Variants in ZFAT observed in about 807,000 individuals in gnomAD.
The protein encoded by ZFAT is zinc finger protein ZFAT.
A neutral mutation model predicts 117.7 loss-of-function variants in ZFAT; 64 were observed. That is an observed-to-expected ratio of 0.54 (90% CI 0.44 to 0.67). The LOEUF (loss-of-function observed/expected upper bound fraction) is 0.67. Among genes scored for constraint, ZFAT ranks in the 30% least tolerant of loss-of-function variants. The probability of loss-of-function intolerance (pLI) is 0.00; values close to 1 mark genes in which losing one functional copy is unlikely to be tolerated. For missense variants in ZFAT, 1,433 were observed against 1,584.5 expected (o/e 0.90, Z 1.62); for synonymous variants, 679 against 615.0 (o/e 1.10, Z -1.54).
chr8:134,747,016 A>C, the ZFAT span, among the ~76,000 whole-genome samples: 1 of 152,212 alleles, frequency 6.6e-6, no homozygotes, highest in Non-Finnish European at 1.5e-5. Context: ...ACCTGTTAAA[A>C]ATCAGAGCCT....
intron 1 of ZFAT, among the ~76,000 whole-genome samples, chr8:134,678,583 C>T (rs1217358532): frequency 1.3e-5 from 2 of 152,172 alleles, no homozygotes; most frequent in African/African-American, 4.8e-5. Context: ...TAAAAAACTA[C>T]TTTAAATTTC....
intron 15 of ZFAT, among the ~76,000 whole-genome samples, chr8:134,507,734 G>A (rs1271863155): frequency 2.6e-5 from 4 of 152,140 alleles, no homozygotes; most frequent in African/African-American, 9.7e-5. Flanking sequence ...AATAAATCAT[G>A]TCTCCCAGCA....
chr8:134,657,569 G>A lies in ZFAT; in HGVS notation c.188C>T (p.Thr63Ile), dbSNP rs754004750. The change falls in exon 2 of 16, where the codon ACC becomes ATC. Residue 63 changes from threonine (T) to isoleucine (I), a missense_variant. By Grantham distance (89) the Thr-to-Ile change is moderately conservative. Around this residue, in one of 5 missense-constraint regions of ZFAT, gnomAD observed 436 missense variants for 482.0 expected, o/e 0.90. Transcript: ENST00000377838. ...CCCCCCAGCCCCCTTACCATCTCCG[G>A]TTTTGCTTGAGTTGGGGGGTTCAGG... ...STPEPPNSSK[T>I]GDEFLVMKRK... 1 of 1,610,182 alleles carries A rather than the reference G, an allele frequency of 6.2e-7. No homozygotes were observed. The highest frequency in any genetic ancestry group is 1.3e-5 in the African/African-American group (1 of 74,780).
At chr8:134,732,228 G>A in the ZFAT span, among the ~76,000 whole-genome samples, 7 of 152,358 alleles carry the variant, frequency 4.6e-5, no homozygotes, top group South Asian at 2.1e-4. Context: ...CTGCTTCTGG[G>A]TAAGCCCTGA....
intron 15 of ZFAT, among the ~76,000 whole-genome samples, chr8:134,496,498 T>C (rs1818446355): frequency 6.6e-6 from 1 of 152,230 alleles, no homozygotes; most frequent in African/African-American, 2.4e-5. Flanking sequence ...GGGTATGCAC[T>C]GCCAGCCTGG....
intron 11 of ZFAT, among the ~76,000 whole-genome samples, chr8:134,548,435 G>A (rs79250284): frequency 1.2e-4 from 18 of 152,278 alleles, no homozygotes; most frequent in Non-Finnish European, 1.9e-4. Context: ...TGCAATGGAG[G>A]GTGGAGGGTG....
the ZFAT span, among the ~76,000 whole-genome samples, chr8:134,824,579 T>C: frequency 6.6e-6 from 1 of 152,226 alleles, no homozygotes; most frequent in East Asian, 1.9e-4. Flanking sequence ...ATCACTGCTT[T>C]AGAAAGTAAA....
chr8:134,535,391 T>C (rs1821753863), intron 11 of ZFAT, among the ~76,000 whole-genome samples: 1 of 151,686 alleles, frequency 6.6e-6, no homozygotes, highest in Non-Finnish European at 1.5e-5. Context: ...CCCACAGCCA[T>C]CTTTCATTTT....
At chr8:134,687,453 T>G (rs1388302526) in intron 1 of ZFAT, among the ~76,000 whole-genome samples, 1 of 152,208 alleles carries the variant, frequency 6.6e-6, no homozygotes, top group Admixed American at 6.5e-5. Context: ...TTTTAAGCAC[T>G]CTCAAAATGA....
chr8:134,638,869 C>A (rs1033486734), intron 2 of ZFAT, among the ~76,000 whole-genome samples: 4 of 152,136 alleles, frequency 2.6e-5, no homozygotes, highest in Non-Finnish European at 5.9e-5. Flanking sequence ...CCGCCAGCAG[C>A]CTGGCTGACA....
chr8:134,682,671 T>A (rs4615527), intron 1 of ZFAT, among the ~76,000 whole-genome samples: 118,613 of 150,232 alleles, frequency 0.79, 47,841 homozygotes, highest in Non-Finnish European at 0.87. Context: ...AAAATAAAAT[T>A]AAATTAAATT....
the ZFAT span, among the ~76,000 whole-genome samples, chr8:134,821,688 A>G: frequency 3.9e-5 from 6 of 152,308 alleles, no homozygotes; most frequent in South Asian, 6.2e-4. Context: ...TCCAAGAACG[A>G]GTAAGAGAGG....
At chr8:134,604,443 T>C (rs1206345799) in intron 5 of ZFAT, among the ~76,000 whole-genome samples, 3 of 152,230 alleles carry the variant, frequency 2.0e-5, no homozygotes, top group Admixed American at 2.0e-4. Flanking sequence ...TGGCCAAGCC[T>C]TGTTTCTGAA....
chr8:134,603,783 G>A (rs890924501), intron 5 of ZFAT, among the ~76,000 whole-genome samples: 8 of 152,132 alleles, frequency 5.3e-5, no homozygotes, highest in South Asian at 2.1e-4. Context: ...CCAGGACTGC[G>A]GGTGGGAGAG....
chr8:134,582,867 A>T (rs936959020), intron 10 of ZFAT, among the ~76,000 whole-genome samples: 4 of 152,222 alleles, frequency 2.6e-5, no homozygotes, highest in Admixed American at 2.6e-4. Context: ...TCACTGTTGA[A>T]ATAATTTTGA....
At chr8:134,739,233 G>A in the ZFAT span, among the ~76,000 whole-genome samples, 1 of 152,170 alleles carries the variant, frequency 6.6e-6, no homozygotes, top group Admixed American at 6.5e-5. Context: ...CAGCCCAAAA[G>A]AAAAAACAAA....
At chr8:134,744,551 C>CT in the ZFAT span, among the ~76,000 whole-genome samples, 3 of 151,896 alleles carry the variant, frequency 2.0e-5, no homozygotes, top group African/African-American at 7.3e-5. Context: ...CTGCCCCAGC[C>CT]TCCCAAAGTG....
intron 9 of ZFAT, among the ~76,000 whole-genome samples, chr8:134,586,067 G>C (rs982586088): frequency 2.0e-5 from 3 of 152,046 alleles, no homozygotes; most frequent in Non-Finnish European, 4.4e-5. Context: ...TATGGTACAG[G>C]GGATCAATTC....
intron 15 of ZFAT, among the ~76,000 whole-genome samples, chr8:134,493,967 T>A (rs1023999784): frequency 6.6e-6 from 1 of 152,108 alleles, no homozygotes; most frequent in Non-Finnish European, 1.5e-5. Context: ...GCAGGCAGAG[T>A]TCCCCCCTCC....
Sources: gnomAD v4.1 joint callset for allele counts (sites outside exome capture counted in the v4.1 genomes callset) on GRCh38, gnomAD v4.1.1 for gene constraint, gnomAD v4.1.1 regional missense constraint, MANE v1.5 for transcripts, NCBI Gene and HGNC (gene_info 2026-07-23, HGNC 2026-07-21) for gene names.